The following AKAP6 variants were observed in gnomAD, a reference collection of about 807,000 sequenced individuals.
The protein encoded by AKAP6 is A-kinase anchor protein 6.
A neutral mutation model predicts 188.5 loss-of-function variants in AKAP6; 58 were observed. The ratio of observed to expected loss-of-function variants is 0.31; its 90% CI spans 0.25 to 0.38. The LOEUF (loss-of-function observed/expected upper bound fraction) is 0.38, where lower values mean the gene tolerates loss of function less well. AKAP6 is among the 10% of genes least tolerant of loss of function. The pLI, the probability that AKAP6 is intolerant of heterozygous loss-of-function variation, is 1.00. For missense variants in AKAP6, 2,710 were observed against 2,740.0 expected, an observed-to-expected ratio of 0.99 and a Z score of 0.24; for synonymous variants, 989 against 998.6, an observed-to-expected ratio of 0.99 and a Z score of 0.18.
At chr14:32,638,049 A>T (rs1887588041) in intron 7 of AKAP6, among the ~76,000 whole-genome samples, 1 of 152,064 alleles carries the variant, frequency 6.6e-6, no homozygotes, top group South Asian at 2.1e-4. Context: ...AATTAGGGTA[A>T]AGAAACAGTG....
At position 32,823,758 on chromosome 14, in the gene AKAP6, A is replaced by G; in HGVS notation, c.5945A>G (p.Lys1982Arg). The part of the protein sequence containing the change: ...NQSTASTPTE[K>R]SFSELALETR... ...AGCACTGCCTCTACTCCCACTGAGA[A>G]GTCTTTCTCAGAACTGGCTTTAGAA... The change falls in exon 13 of 14, where the codon AAG becomes AGG. Residue 1982 changes from lysine to arginine, a missense_variant. Physicochemically the swap from Lys to Arg is conservative, Grantham distance 26 (BLOSUM62 2). This residue lies in a region of AKAP6 where 2,473 missense variants were observed against 2,426.1 expected (regional missense o/e 1.02). Coordinates refer to ENST00000280979, the MANE Select transcript of AKAP6 (RefSeq NM_004274.5). The G allele has an allele frequency of 6.2e-7, 1 of 1,613,684 alleles. No homozygotes were observed. The highest frequency in any genetic ancestry group is 8.5e-7 in the Non-Finnish European group (1 of 1,179,926).
intron 2 of AKAP6, among the ~76,000 whole-genome samples, chr14:32,481,539 A>G (rs1472157040): frequency 1.3e-5 from 2 of 152,208 alleles, no homozygotes; most frequent in African/African-American, 4.8e-5. Flanking sequence ...GGTGGCAGGC[A>G]GGAAAACATG....
intron 12 of AKAP6, among the ~76,000 whole-genome samples, chr14:32,786,605 T>C (rs957517797): frequency 6.6e-6 from 1 of 152,084 alleles, no homozygotes; most frequent in African/African-American, 2.4e-5. Flanking sequence ...ATTACAGGCA[T>C]GAGCCACAGC....
chr14:32,709,358 G>T (rs1890945781), intron 9 of AKAP6, among the ~76,000 whole-genome samples: 1 of 151,824 alleles, frequency 6.6e-6, no homozygotes, highest in Non-Finnish European at 1.5e-5. Context: ...TTCCCCGTCT[G>T]CTGTCCACAC....
At chr14:32,541,343 A>G (rs923457066) in intron 3 of AKAP6, among the ~76,000 whole-genome samples, 2 of 151,284 alleles carry the variant, frequency 1.3e-5, no homozygotes, top group African/African-American at 2.4e-5. Context: ...ATATATATAT[A>G]TATATATTCA....
At chr14:32,532,704 G>T (rs1882476873) in intron 2 of AKAP6, among the ~76,000 whole-genome samples, 1 of 152,198 alleles carries the variant, frequency 6.6e-6, no homozygotes, top group South Asian at 2.1e-4. Context: ...TCCTAGGTAT[G>T]TAAGATATTC....
chr14:32,516,962 A>G (rs747861706), intron 2 of AKAP6, among the ~76,000 whole-genome samples: 6 of 152,216 alleles, frequency 3.9e-5, no homozygotes, highest in Non-Finnish European at 8.8e-5. Flanking sequence ...GATTACTATT[A>G]CAGAATAGTC....
intron 2 of AKAP6, among the ~76,000 whole-genome samples, chr14:32,521,296 TCA>T (rs1392595842): frequency 3.9e-5 from 6 of 152,126 alleles, no homozygotes; most frequent in African/African-American, 1.4e-4. Context: ...ATGCCCTCTC[TCA>T]CCACTCCTAT....
chr14:32,776,527 G>A (rs1453150115), intron 12 of AKAP6, among the ~76,000 whole-genome samples: 4 of 152,282 alleles, frequency 2.6e-5, no homozygotes, highest in South Asian at 2.1e-4. Flanking sequence ...TATCAGCAGT[G>A]TGAAAACAGA....
At chr14:32,744,592 C>T (rs2031817331) in intron 11 of AKAP6, among the ~76,000 whole-genome samples, 1 of 152,172 alleles carries the variant, frequency 6.6e-6, no homozygotes, top group Non-Finnish European at 1.5e-5. Flanking sequence ...ACTGGGATTA[C>T]AGGCATGAGC....
chr14:32,724,324 G>A (rs1381193326), intron 9 of AKAP6, among the ~76,000 whole-genome samples: 3 of 152,086 alleles, frequency 2.0e-5, no homozygotes, highest in Non-Finnish European at 4.4e-5. Flanking sequence ...TTTACATATG[G>A]TTGTTCAACA....
At chr14:32,350,772 AAT>A (rs968938862) in intron 1 of AKAP6, among the ~76,000 whole-genome samples, 11 of 151,978 alleles carry the variant, frequency 7.2e-5, no homozygotes, top group African/African-American at 2.7e-4. Flanking sequence ...TAAGTAAATA[AAT>A]ATATATATGT....
At chr14:32,508,832 T>C (rs1594689894) in intron 2 of AKAP6, among the ~76,000 whole-genome samples, 1 of 113,156 alleles carries the variant, frequency 8.8e-6, no homozygotes, top group South Asian at 2.5e-4. Flanking sequence ...GAGTACCTAC[T>C]TTTTTTTTTT....
intron 7 of AKAP6, among the ~76,000 whole-genome samples, chr14:32,626,646 T>C (rs566579162): frequency 2.6e-5 from 4 of 152,180 alleles, no homozygotes; most frequent in East Asian, 3.9e-4. Context: ...TTCCTCAGGG[T>C]GGGTGCTCTT....
At chr14:32,747,555 GTTTT>G (rs1051977442) in intron 11 of AKAP6, among the ~76,000 whole-genome samples, 1 of 152,176 alleles carries the variant, frequency 6.6e-6, no homozygotes, top group East Asian at 1.9e-4. Flanking sequence ...CTTTTATTAG[GTTTT>G]TTCCCCACCA....
At chr14:32,670,112 A>AT (rs1889118733) in intron 7 of AKAP6, among the ~76,000 whole-genome samples, 1 of 151,846 alleles carries the variant, frequency 6.6e-6, no homozygotes, top group Non-Finnish European at 1.5e-5. Context: ...AAAAAAAAAA[A>AT]AGCCCCTTAT....
chr14:32,735,888 A>AT lies in AKAP6; in HGVS notation c.3372+6_3372+7insT. 6.4e-7 allele frequency: 1 copy of AT among 1,567,338 alleles called. No homozygotes were observed. The highest frequency in any genetic ancestry group is 8.6e-7 in the Non-Finnish European group (1 of 1,158,928). ...AACAACTGCAATACTTTAAGGTAAT[A>AT]AAAAAACAATCAAAGTTGATAAAAA... On this transcript the variant is annotated splice_region_variant and intron_variant, in intron 11 of 13. Transcript: ENST00000280979.
intron 12 of AKAP6, among the ~76,000 whole-genome samples, chr14:32,815,785 G>A (rs72669862): frequency 0.056 from 8,555 of 152,178 alleles, 342 homozygotes; most frequent in South Asian, 0.15. Context: ...GCTGTGTACC[G>A]GGCTCTCCCC....
chr14:32,351,573 A>C (rs184609101), intron 1 of AKAP6, among the ~76,000 whole-genome samples: 8 of 150,096 alleles, frequency 5.3e-5, no homozygotes, highest in Non-Finnish European at 7.4e-5. Context: ...AAAAAAAAAA[A>C]AAACAAAAAC....
Sources: allele counts gnomAD v4.1 joint callset (sites outside exome capture counted in the v4.1 genomes callset), GRCh38; gene constraint gnomAD v4.1.1; regional missense constraint gnomAD v4.1.1; transcripts MANE v1.5; gene names NCBI Gene and HGNC (gene_info 2026-07-23, HGNC 2026-07-21).